The following BMPR1B variants were observed in gnomAD, a reference collection of about 807,000 sequenced individuals.
BMPR1B encodes bone morphogenetic protein receptor type-1B.
BMPR1B carries 12 observed loss-of-function variants against 59.1 expected under a neutral mutation model. The observed-to-expected ratio is 0.20, with a 90% confidence interval of 0.13 to 0.33. The LOEUF (loss-of-function observed/expected upper bound fraction) is 0.33, where lower values mean the gene tolerates loss of function less well. Ranked by LOEUF, BMPR1B falls within the 10% of genes least tolerant of loss-of-function variation. The pLI is 1.00. For synonymous variants in BMPR1B, 237 were observed against 207.3 expected (o/e 1.14, Z -1.23); for missense variants, 550 against 610.9 (o/e 0.90, Z 1.05).
rs781452416 is a variant in BMPR1B, at chr4:94,901,424, T to G, written c.-113+25524T>G. 1.3e-5 allele frequency among the ~76,000 whole-genome samples: 2 copies of G among 152,032 alleles called. 1 individual carries two copies. The highest frequency in any genetic ancestry group is 4.2e-4 in the South Asian group (2 of 4,812). On this transcript the variant is annotated intron_variant, in intron 2 of 12. Coordinates refer to ENST00000515059, the MANE Select transcript of BMPR1B (RefSeq NM_001203.3). ...AAGGAGTGCCTAAAATATTGTTAGA[T>G]CTTTGTTTTCAGATCTTGAGAGGGC...
At chr4:95,107,021 G>A (rs745693603) in intron 4 of BMPR1B, among the ~76,000 whole-genome samples, 3 of 151,510 alleles carry the variant, frequency 2.0e-5, no homozygotes, top group African/African-American at 4.9e-5. Flanking sequence ...TGCTCATATT[G>A]TGTCCTCTGA....
intron 2 of BMPR1B, among the ~76,000 whole-genome samples, chr4:94,897,563 CT>C (rs958721287): frequency 4.1e-4 from 62 of 152,028 alleles, no homozygotes; most frequent in African/African-American, 1.4e-3. Context: ...TTACATATTT[CT>C]TTTTTTCTAT....
chr4:94,826,827 G>A (rs1724400791), intron 1 of BMPR1B, among the ~76,000 whole-genome samples: 1 of 151,998 alleles, frequency 6.6e-6, no homozygotes, highest in Non-Finnish European at 1.5e-5. Context: ...CGATTTCAGT[G>A]AAAAACCCTA....
intron 3 of BMPR1B, chr4:95,091,359 C>T: frequency 1.6e-6 from 1 of 620,768 alleles, no homozygotes; most frequent in Middle Eastern, 8.2e-4. Flanking sequence ...TGCCATGGGT[C>T]CTGAACATAG....
intron 1 of BMPR1B, among the ~76,000 whole-genome samples, chr4:94,840,739 G>A (rs1385478245): frequency 2.0e-5 from 3 of 147,854 alleles, no homozygotes; most frequent in Admixed American, 1.3e-4. Flanking sequence ...TAATTTGATC[G>A]TCTGAAGCCT....
chr4:94,807,164 TG>T (rs1301007225), intron 1 of BMPR1B, among the ~76,000 whole-genome samples: 1 of 152,106 alleles, frequency 6.6e-6, no homozygotes, highest in African/African-American at 2.4e-5. Flanking sequence ...GTGTGATCTC[TG>T]CTCACTGCAA....
intron 8 of BMPR1B, among the ~76,000 whole-genome samples, chr4:95,128,663 T>C (rs544500572): frequency 1.3e-5 from 2 of 152,360 alleles, no homozygotes; most frequent in Non-Finnish European, 2.9e-5. Flanking sequence ...CTTTCTCTTA[T>C]TAACTTTTCT....
chr4:94,964,258 C>T (rs75494634), intron 2 of BMPR1B, among the ~76,000 whole-genome samples: 2 of 152,166 alleles, frequency 1.3e-5, no homozygotes, highest in Non-Finnish European at 2.9e-5. Flanking sequence ...AATATATCAC[C>T]TACAAACAAA....
chr4:94,843,564 A>G (rs1267339459), intron 1 of BMPR1B, among the ~76,000 whole-genome samples: 1 of 152,136 alleles, frequency 6.6e-6, no homozygotes, highest in African/African-American at 2.4e-5. Flanking sequence ...TGGTCATAAT[A>G]TGCTGCATTT....
At chr4:95,026,118 C>CTTTCTTTCTTTT (rs1724369588) in intron 3 of BMPR1B, among the ~76,000 whole-genome samples, 1 of 143,314 alleles carries the variant, frequency 7.0e-6, no homozygotes, top group African/African-American at 2.7e-5. Context: ...TTCTTTCTTT[C>CTTTCTTTCTTTT]TTTCTTTCTT....
intron 1 of BMPR1B, among the ~76,000 whole-genome samples, chr4:94,790,959 T>A (rs1484555819): frequency 6.6e-6 from 1 of 152,146 alleles, no homozygotes; most frequent in East Asian, 1.9e-4. Flanking sequence ...AAGAATAAAT[T>A]TGAAATTAAC....
chr4:94,921,687 T>C (rs1728694337), intron 2 of BMPR1B, among the ~76,000 whole-genome samples: 1 of 152,110 alleles, frequency 6.6e-6, no homozygotes, highest in Non-Finnish European at 1.5e-5. Flanking sequence ...AGGCCCCATC[T>C]CCAATATTAG....
chr4:95,137,571 C>T lies in BMPR1B; in HGVS notation c.1076+6059C>T, dbSNP rs190060649. ...GTCTCTTTGTAGGTCTCTAAGGACTCGCTTTATGCATCTGGGTGCTCCTGT... is the reference window on the plus strand; with the variant it reads ...GTCTCTTTGTAGGTCTCTAAGGACTTGCTTTATGCATCTGGGTGCTCCTGT... On this transcript the variant is annotated intron_variant, in intron 10 of 12. Coordinates refer to ENST00000515059, the MANE Select transcript of BMPR1B (RefSeq NM_001203.3). 8.2e-3 allele frequency among the ~76,000 whole-genome samples: 1,255 copies of T among 152,168 alleles called. 8 individuals are homozygous for T. The highest frequency in any genetic ancestry group is 0.013 in the Non-Finnish European group (854 of 68,002).
At chr4:95,137,807 C>G (rs953364104) in intron 10 of BMPR1B, among the ~76,000 whole-genome samples, 7 of 152,124 alleles carry the variant, frequency 4.6e-5, no homozygotes, top group African/African-American at 1.7e-4. Context: ...TGTCTCTGCA[C>G]ATGAGATGGG....
At chr4:94,981,448 G>T (rs1721078327) in intron 2 of BMPR1B, among the ~76,000 whole-genome samples, 1 of 152,100 alleles carries the variant, frequency 6.6e-6, no homozygotes, top group South Asian at 2.1e-4. Context: ...ATTTCTAATA[G>T]AAACACGAGG....
rs552289929 is a variant in BMPR1B, at chr4:94,914,937, A to G, written c.-113+39037A>G. ...ATATATTTAAGTAGTAATACCTTAT[A>G]TGAAACTCACTTGTTATGGTGCATA... On this transcript the variant is annotated intron_variant, in intron 2 of 12. Coordinates refer to ENST00000515059, the MANE Select transcript of BMPR1B (RefSeq NM_001203.3). 8.5e-5 allele frequency among the ~76,000 whole-genome samples: 13 copies of G among 152,298 alleles called. No individual in the cohort carries two copies. In the South Asian group the frequency reaches 1.0e-3, roughly 12 times the overall value.
At chr4:95,071,554 G>T (rs1365551997) in intron 3 of BMPR1B, among the ~76,000 whole-genome samples, 1 of 151,292 alleles carries the variant, frequency 6.6e-6, no homozygotes, top group African/African-American at 2.4e-5. Flanking sequence ...TGGATACTCA[G>T]TGGGTCACAG....
intron 1 of BMPR1B, among the ~76,000 whole-genome samples, chr4:94,823,528 G>A (rs2110657936): frequency 6.6e-6 from 1 of 152,244 alleles, no homozygotes; most frequent in Middle Eastern, 3.4e-3. Flanking sequence ...AACTAGCAGA[G>A]GAGAAGGAAT....
At chr4:94,965,521 T>C (rs1360456962) in intron 2 of BMPR1B, among the ~76,000 whole-genome samples, 1 of 152,202 alleles carries the variant, frequency 6.6e-6, no homozygotes, top group African/African-American at 2.4e-5. Flanking sequence ...TGGCCTGGGT[T>C]ATATAAGATA....
Sources: gnomAD v4.1 joint callset for allele counts (sites outside exome capture counted in the v4.1 genomes callset) on GRCh38, gnomAD v4.1.1 for gene constraint, MANE v1.5 for transcripts, NCBI Gene and HGNC (gene_info 2026-07-23, HGNC 2026-07-21) for gene names.